CACNB2: variants seen among roughly 807,000 people sequenced by gnomAD.
CACNB2 encodes the protein calcium voltage-gated channel auxiliary subunit beta 2.
CACNB2 carries 42 observed loss-of-function variants against 73.3 expected under a neutral mutation model. The observed-to-expected ratio is 0.57, with a 90% CI of 0.45 to 0.74. The LOEUF is 0.74. CACNB2 is among the 30% of genes least tolerant of loss of function. The pLI is 0.00. For missense variants in CACNB2, 940 were observed against 853.0 expected (o/e 1.10, Z -1.27); for synonymous variants, 348 against 310.3 (o/e 1.12, Z -1.28).
At chr10:18,168,857 C>A (rs2033045000) in intron 2 of CACNB2, among the ~76,000 whole-genome samples, 1 of 152,166 alleles carries the variant, frequency 6.6e-6, no homozygotes, top group Non-Finnish European at 1.5e-5. Context: ...ACTGTGGTTC[C>A]TTGACATAGG....
chr10:18,407,109 CTTTTTTTTTTTTTTTTTTT>C (rs71507267), intron 3 of CACNB2, among the ~76,000 whole-genome samples: 1 of 35,572 alleles, frequency 2.8e-5, no homozygotes, highest in Non-Finnish European at 5.2e-5. Flanking sequence ...GCTGTTCTGT[CTTTTTTTTTTTTTTTTTTT>C]TTTTTTTTTT....
intron 3 of CACNB2, among the ~76,000 whole-genome samples, chr10:18,450,827 G>A (rs965389381): frequency 2.6e-5 from 4 of 151,904 alleles, no homozygotes; most frequent in Non-Finnish European, 5.9e-5. Flanking sequence ...TAGTAGAGAC[G>A]GGTTTCACCA....
intron 3 of CACNB2, among the ~76,000 whole-genome samples, chr10:18,484,264 G>T (rs569812161): frequency 1.3e-5 from 2 of 151,980 alleles, no homozygotes; most frequent in South Asian, 4.2e-4. Context: ...CGTGGTGGCG[G>T]GCGCCTATAA....
chr10:18,366,670 C>T (rs1230390755), intron 2 of CACNB2, among the ~76,000 whole-genome samples: 1 of 151,828 alleles, frequency 6.6e-6, no homozygotes, highest in Non-Finnish European at 1.5e-5. Flanking sequence ...ATGGTGAAAC[C>T]CCGTCTCTAA....
intron 2 of CACNB2, among the ~76,000 whole-genome samples, chr10:18,220,152 TATAC>T (rs1215360138): frequency 0.025 from 918 of 36,170 alleles, 14 homozygotes; most frequent in Non-Finnish European, 0.041. Flanking sequence ...TATATATATA[TATAC>T]ACACACACAC....
chr10:18,287,720 A>T (rs2038865846), intron 2 of CACNB2, among the ~76,000 whole-genome samples: 1 of 152,104 alleles, frequency 6.6e-6, no homozygotes, highest in South Asian at 2.1e-4. Flanking sequence ...GCACGATGGC[A>T]CGCCCTGTAG....
intron 2 of CACNB2, among the ~76,000 whole-genome samples, chr10:18,166,749 T>C (rs1476072596): frequency 6.6e-6 from 1 of 151,884 alleles, no homozygotes; most frequent in African/African-American, 2.4e-5. Context: ...TGTTGTCGGG[T>C]AGGGGGAGCG....
rs555466690 is a variant in CACNB2, at chr10:18,362,698, C to T, written c.214-39226C>T. On this transcript the variant is annotated intron_variant, in intron 2 of 13. Coordinates refer to ENST00000324631, the MANE Select transcript of CACNB2 (RefSeq NM_201596.3). The stretch of plus-strand genomic sequence containing the variant: ...GCTCACGCCTGTAATTCCAGCACTT[C>T]GGGAGGTCAGGAATTTGAGACCAGC... 5.9e-5 allele frequency among the ~76,000 whole-genome samples: 9 copies of T among 152,156 alleles called. No individual in the cohort carries two copies. In the East Asian group the frequency reaches 1.7e-3, roughly 29 times the overall value.
At chr10:18,328,788 T>A (rs2040683202) in intron 2 of CACNB2, among the ~76,000 whole-genome samples, 1 of 152,212 alleles carries the variant, frequency 6.6e-6, no homozygotes, top group Non-Finnish European at 1.5e-5. Context: ...TCTGAGCTAT[T>A]TGTGTGAACC....
intron 11 of CACNB2, among the ~76,000 whole-genome samples, chr10:18,534,537 C>CA (rs2053373213): frequency 6.6e-6 from 1 of 152,132 alleles, no homozygotes; most frequent in Non-Finnish European, 1.5e-5. Context: ...ATGGCTGATG[C>CA]AAAAGCAATG....
At chr10:18,506,422 G>A (rs201550574) in intron 5 of CACNB2, 49 bp from the exon 6 acceptor site, 1 of 906,164 alleles carries the variant, frequency 1.1e-6, no homozygotes, top group Non-Finnish European at 1.9e-6. Context: ...AAATGTTTGA[G>A]GATGCGAAAT....
intron 2 of CACNB2, among the ~76,000 whole-genome samples, chr10:18,194,977 G>A (rs761534019): frequency 2.6e-5 from 4 of 152,288 alleles, no homozygotes; most frequent in Non-Finnish European, 5.9e-5. Flanking sequence ...AGCATTTGGA[G>A]ACCTTCAATG....
At chr10:18,273,564 A>C (rs1318179291) in intron 2 of CACNB2, among the ~76,000 whole-genome samples, 1 of 152,188 alleles carries the variant, frequency 6.6e-6, no homozygotes, top group East Asian at 1.9e-4. Flanking sequence ...TCCTCATTAC[A>C]TAAATGGGGA....
At chr10:18,332,266 G>C (rs2040835147) in intron 2 of CACNB2, among the ~76,000 whole-genome samples, 1 of 152,222 alleles carries the variant, frequency 6.6e-6, no homozygotes, top group Admixed American at 6.5e-5. Context: ...GCTAAAGGGA[G>C]TGGTGGTGAG....
intron 2 of CACNB2, chr10:18,260,535 A>C (rs1257300581): frequency 2.0e-6 from 2 of 985,500 alleles, no homozygotes; most frequent in Admixed American, 6.1e-5. Context: ...TTCATGTGAA[A>C]TACCTACTGC....
intron 2 of CACNB2, among the ~76,000 whole-genome samples, chr10:18,318,482 G>T (rs982206819): frequency 2.0e-5 from 3 of 152,134 alleles, no homozygotes; most frequent in East Asian, 3.8e-4. Flanking sequence ...ACTCAAGGTG[G>T]ATTAAAGACT....
chr10:18,150,853 G>GTATTTTTTTTTTTTTTTTTTT lies in CACNB2; in HGVS notation c.121-29_121-28insATTTTTTTTTTTTTTTTTTTT. ...AAAGGGTCTCATAATAATCTTATTT[G>GTATTTTTTTTTTTTTTTTTTT]TCTTTTTTTTTTTTTTTTTTTTTTT... is the stretch of plus-strand genomic sequence containing the variant. On this transcript the variant is annotated intron_variant, in intron 1 of 13. Coordinates refer to ENST00000324631, the MANE Select transcript of CACNB2 (RefSeq NM_201596.3). 1.2e-5 allele frequency: 8 copies of GTATTTTTTTTTTTTTTTTTTT among 655,042 alleles called. 2 individuals are homozygous for GTATTTTTTTTTTTTTTTTTTT. The highest frequency in any genetic ancestry group is 4.0e-5 in the Admixed American group (1 of 25,010). The allele number at this position is 655,042 out of a possible 1,614,324, so 40.6% of individuals were successfully genotyped here.
intron 2 of CACNB2, chr10:18,206,559 C>T (rs527728460): frequency 6.6e-6 from 1 of 152,300 alleles, no homozygotes; most frequent in Non-Finnish European, 1.5e-5. Flanking sequence ...ACCAACTGCT[C>T]CAGCCAGCCA....
chr10:18,244,690 A>T (rs2036792828), intron 2 of CACNB2, among the ~76,000 whole-genome samples: 1 of 152,232 alleles, frequency 6.6e-6, no homozygotes, highest in South Asian at 2.1e-4. Flanking sequence ...TACCAAGCAC[A>T]CACAGATGTG....
Sources: allele counts gnomAD v4.1 joint callset (sites outside exome capture counted in the v4.1 genomes callset), GRCh38; gene constraint gnomAD v4.1.1; transcripts MANE v1.5; gene names NCBI Gene and HGNC (gene_info 2026-07-23, HGNC 2026-07-21).